MARCHF1: variants seen among roughly 807,000 people sequenced by gnomAD.
The protein encoded by MARCHF1 is membrane associated ring-CH-type finger 1.
Under a neutral mutation model 54.2 loss-of-function variants are expected in MARCHF1, and 40 were observed. The observed-to-expected ratio is 0.74, with a 90% confidence interval of 0.57 to 0.96. MARCHF1 has a LOEUF of 0.96. MARCHF1 is among the 40% of genes least tolerant of loss of function. The pLI is 0.00. For missense variants in MARCHF1, 586 were observed against 656.5 expected (o/e 0.89, Z 1.17); for synonymous variants, 236 against 236.3 (o/e 1.00, Z 0.01).
At chr4:164,097,895 C>T (rs375698430) in intron 2 of MARCHF1, among the ~76,000 whole-genome samples, 19 of 152,258 alleles carry the variant, frequency 1.2e-4, no homozygotes, top group East Asian at 5.8e-4. Context: ...TCATACTCAT[C>T]GCAGTTTATC....
chr4:164,136,055 T>C (rs574952845), intron 1 of MARCHF1, among the ~76,000 whole-genome samples: 53 of 151,954 alleles, frequency 3.5e-4, no homozygotes, highest in Non-Finnish European at 7.2e-4. Flanking sequence ...TATACACATA[T>C]TTTTTTCAAT....
chr4:163,815,841 C>G (rs1050267577), intron 4 of MARCHF1, among the ~76,000 whole-genome samples: 2 of 152,086 alleles, frequency 1.3e-5, no homozygotes, highest in African/African-American at 4.8e-5. Context: ...ATAATTAATA[C>G]AGAAACAGGG....
chr4:163,596,127 G>C (rs570619514), intron 7 of MARCHF1, among the ~76,000 whole-genome samples: 6 of 152,132 alleles, frequency 3.9e-5, no homozygotes, highest in East Asian at 1.9e-4. Flanking sequence ...ACTTAGAGTT[G>C]GTAGAATTTA....
intron 3 of MARCHF1, among the ~76,000 whole-genome samples, chr4:163,913,852 A>C (rs1487504759): frequency 6.6e-6 from 1 of 152,160 alleles, no homozygotes; most frequent in Non-Finnish European, 1.5e-5. Flanking sequence ...GGCATTAATA[A>C]ATGTTCATTG....
At chr4:163,651,777 A>G (rs1742975874) in intron 5 of MARCHF1, among the ~76,000 whole-genome samples, 1 of 150,408 alleles carries the variant, frequency 6.6e-6, no homozygotes, top group Admixed American at 6.6e-5. Flanking sequence ...CTCAAAGTCT[A>G]TTCACATTCT....
chr4:164,204,858 C>A (rs1305811856), intron 1 of MARCHF1, among the ~76,000 whole-genome samples: 2 of 152,180 alleles, frequency 1.3e-5, no homozygotes, highest in Non-Finnish European at 2.9e-5. Flanking sequence ...TAAATGGGAG[C>A]ATTAAATATT....
intron 4 of MARCHF1, among the ~76,000 whole-genome samples, chr4:163,840,538 G>A (rs1494296): frequency 0.039 from 5,996 of 152,058 alleles, 273 homozygotes; most frequent in African/African-American, 0.11. Context: ...TGAAGAAAAC[G>A]TCACTTTGTC....
At chr4:163,690,930 G>A (rs1255878529) in intron 5 of MARCHF1, among the ~76,000 whole-genome samples, 2 of 152,182 alleles carry the variant, frequency 1.3e-5, no homozygotes, top group Non-Finnish European at 1.5e-5. Flanking sequence ...AACCTGCAGA[G>A]CCCAAAGCGC....
chr4:164,108,135 T>C (rs543338615), intron 2 of MARCHF1, among the ~76,000 whole-genome samples: 1 of 152,220 alleles, frequency 6.6e-6, no homozygotes, highest in South Asian at 2.1e-4. Context: ...CTGAACAAAG[T>C]ATAGGCTGCC....
At chr4:163,888,923 C>G (rs1288652598) in intron 3 of MARCHF1, among the ~76,000 whole-genome samples, 1 of 152,112 alleles carries the variant, frequency 6.6e-6, no homozygotes, top group Admixed American at 6.5e-5. Flanking sequence ...GATTCAAATA[C>G]ATTCAATACA....
At chr4:163,615,221 T>C (rs1321981057) in intron 5 of MARCHF1, among the ~76,000 whole-genome samples, 3 of 152,060 alleles carry the variant, frequency 2.0e-5, no homozygotes, top group Non-Finnish European at 2.9e-5. Context: ...ATAGTAGTTA[T>C]AGGAAATTAA....
At chr4:163,673,483 T>G (rs2111137858) in intron 5 of MARCHF1, among the ~76,000 whole-genome samples, 1 of 152,294 alleles carries the variant, frequency 6.6e-6, no homozygotes, top group South Asian at 2.1e-4. Context: ...ACAGAGGAAC[T>G]TCTTTAGTTT....
intron 1 of MARCHF1, among the ~76,000 whole-genome samples, chr4:164,174,317 T>C (rs568300603): frequency 6.6e-6 from 1 of 152,226 alleles, no homozygotes; most frequent in South Asian, 2.1e-4. Context: ...ATGGGGTTGA[T>C]TGAAGTGAAG....
intron 1 of MARCHF1, among the ~76,000 whole-genome samples, chr4:164,233,817 C>T (rs1732478296): frequency 6.6e-6 from 1 of 152,076 alleles, no homozygotes; most frequent in African/African-American, 2.4e-5. Flanking sequence ...AATATTTTGG[C>T]AAAATTTAAA....
At chr4:163,534,798 GGATTT>G (rs149757403) in intron 9 of MARCHF1, among the ~76,000 whole-genome samples, 20,527 of 151,726 alleles carry the variant, frequency 0.14, 1,864 homozygotes, top group Non-Finnish European at 0.2. Flanking sequence ...TATGCTACTT[GGATTT>G]GATTTATTTA....
At chr4:163,632,012 G>T (rs890031042) in intron 5 of MARCHF1, among the ~76,000 whole-genome samples, 8 of 152,166 alleles carry the variant, frequency 5.3e-5, no homozygotes, top group Non-Finnish European at 7.4e-5. Context: ...AATAATGAGG[G>T]AAATGCAAAT....
At chr4:164,348,252 T>C (rs909798322) in intron 1 of MARCHF1, among the ~76,000 whole-genome samples, 4 of 152,172 alleles carry the variant, frequency 2.6e-5, no homozygotes, top group Admixed American at 1.3e-4. Context: ...TAGTGCATTT[T>C]AGCCAATATT....
chr4:163,913,761 G>C (rs1254852738), intron 3 of MARCHF1, among the ~76,000 whole-genome samples: 1 of 152,146 alleles, frequency 6.6e-6, no homozygotes, highest in Admixed American at 6.6e-5. Flanking sequence ...TGGTACTCCA[G>C]TATCTTTCCT....
intron 3 of MARCHF1, among the ~76,000 whole-genome samples, chr4:163,943,020 A>T (rs1327305418): frequency 1.3e-5 from 2 of 151,234 alleles, no homozygotes; most frequent in Admixed American, 6.6e-5. Context: ...GTCTATTCAT[A>T]TCTTTGCCCA....
Sources: allele counts gnomAD v4.1 joint callset (sites outside exome capture counted in the v4.1 genomes callset), GRCh38; gene constraint gnomAD v4.1.1; transcripts MANE v1.5; gene names NCBI Gene and HGNC (gene_info 2026-07-23, HGNC 2026-07-21).